Variants in DNAH3 observed in about 807,000 individuals in gnomAD.
DNAH3 encodes the protein axonemal beta dynein heavy chain 3.
In DNAH3, 332 loss-of-function variants were observed where a neutral mutation model predicts 432.5. The observed-to-expected ratio is 0.77, with a 90% confidence interval of 0.70 to 0.84. DNAH3 has a LOEUF of 0.84. DNAH3 is among the 40% of genes least tolerant of loss of function. DNAH3 has a pLI of 0.00. For synonymous variants in DNAH3, 1,956 were observed against 1,900.2 expected (o/e 1.03, Z -0.76); for missense variants, 4,861 against 5,114.0 (o/e 0.95, Z 1.51).
chr16:20,941,349 C>T lies in DNAH3; in HGVS notation c.11654+52G>A, dbSNP rs531308392. 17 of 1,608,072 alleles carry T rather than the reference C, an allele frequency of 1.1e-5. 1 individual carries two copies. The South Asian group carries it at 1.8e-4, about 17-fold the overall frequency. On this transcript the variant is annotated intron_variant, in intron 59 of 61. Transcript: ENST00000261383. The stretch of plus-strand genomic sequence containing the variant: ...CCTTCTCAGCTACTGCCTGTTAGAT[C>T]CTACTCCTCACGTTCCAACTCCCAG...
In DNAH3 at chr16:20,936,770, TC is replaced by T; in HGVS notation, c.11737del (p.Glu3913LysfsTer23). 6.2e-7 allele frequency: 1 copy of T among 1,613,480 alleles called. No individual in the cohort carries two copies. The highest frequency in any genetic ancestry group is 8.5e-7 in the Non-Finnish European group (1 of 1,179,834). On this transcript the variant is annotated frameshift_variant, in exon 60 of 62. Transcript: ENST00000261383. LOFTEE classifies it high-confidence loss of function. Reference sequence around the variant, plus strand: ...ACCCACAAGCATGCTGTTAAAGACTTCCTCTAGCTCCGAGGACATCAGGACC... The same window carrying T: ...ACCCACAAGCATGCTGTTAAAGACTTCTCTAGCTCCGAGGACATCAGGACC...
chr16:21,076,344 C>T (rs553914283), intron 20 of DNAH3, among the ~76,000 whole-genome samples: 7 of 152,158 alleles, frequency 4.6e-5, no homozygotes, highest in African/African-American at 1.2e-4. Flanking sequence ...GCCTCAGAAG[C>T]AACCAACCCT....
intron 40 of DNAH3, among the ~76,000 whole-genome samples, chr16:21,020,462 G>A (rs2088147039): frequency 7.8e-6 from 1 of 128,638 alleles, no homozygotes; most frequent in Non-Finnish European, 1.6e-5. Context: ...GAGTGCAGTG[G>A]CACAATCTCG....
intron 40 of DNAH3, 125 bp from the exon 41 acceptor site, chr16:21,019,994 C>T: frequency 9.7e-7 from 1 of 1,027,174 alleles, no homozygotes; most frequent in East Asian, 2.4e-5. Context: ...GGCAGAGTGC[C>T]TATCACCTAC....
At chr16:20,957,111 TC>T (rs2084599370) in intron 54 of DNAH3, among the ~76,000 whole-genome samples, 1 of 152,184 alleles carries the variant, frequency 6.6e-6, no homozygotes, top group South Asian at 2.1e-4. Flanking sequence ...TGTGGCCTAA[TC>T]CGACTTTGTA....
intron 18 of DNAH3, 81 bp from the exon 19 acceptor site, chr16:21,087,141 C>T (rs889017305): frequency 2.0e-5 from 23 of 1,170,600 alleles, no homozygotes; most frequent in Non-Finnish European, 2.8e-5. Flanking sequence ...GAACTTAGAG[C>T]TGTGCCTCCT....
chr16:20,993,708 G>A (rs2086649209), intron 44 of DNAH3, among the ~76,000 whole-genome samples: 1 of 152,036 alleles, frequency 6.6e-6, no homozygotes, highest in African/African-American at 2.4e-5. Flanking sequence ...TTTTGAGACA[G>A]GGTCTTGCTC....
intron 49 of DNAH3, among the ~76,000 whole-genome samples, chr16:20,980,236 T>C (rs372286222): frequency 3.1e-5 from 3 of 95,638 alleles, no homozygotes; most frequent in East Asian, 2.8e-4. Flanking sequence ...TTATTTATAT[T>C]ATATATATAA....
At chr16:21,125,505 C>A in intron 8 of DNAH3, 135 bp from the exon 10 acceptor site, 1 of 570,784 alleles carries the variant, frequency 1.8e-6, no homozygotes, top group Non-Finnish European at 2.8e-6. Context: ...TCAGTACTTT[C>A]AATTTCCAGC....
chr16:21,075,525 G>A (rs2090943952), exon 21 of DNAH3: 1 of 1,614,032 alleles, frequency 6.2e-7, no homozygotes. Context: ...TCTCCAGAGA[G>A]TATTCCTTGC....
intron 59 of DNAH3, among the ~76,000 whole-genome samples, chr16:20,938,623 C>T (rs983861946): frequency 1.4e-5 from 2 of 140,556 alleles, no homozygotes; most frequent in African/African-American, 5.4e-5. Context: ...TGAAGCTGAA[C>T]TGTCGCTGAA....
At chr16:20,977,373 T>C (rs943623135) in intron 50 of DNAH3, among the ~76,000 whole-genome samples, 8 of 152,122 alleles carry the variant, frequency 5.3e-5, no homozygotes, top group Non-Finnish European at 1.0e-4. Context: ...TGAGACTCTG[T>C]CAAAACAAAA....
chr16:20,980,370 A>G (rs1036194478), intron 49 of DNAH3, among the ~76,000 whole-genome samples: 1 of 125,358 alleles, frequency 8.0e-6, no homozygotes, highest in Non-Finnish European at 1.8e-5. Context: ...AAATATATAT[A>G]TATGTGGGGG....
At chr16:20,991,073 A>G (rs578169194) in intron 44 of DNAH3, among the ~76,000 whole-genome samples, 51 of 152,262 alleles carry the variant, frequency 3.3e-4, no homozygotes, top group African/African-American at 1.2e-3. Context: ...GAATTTTGCC[A>G]GCCCTCCACA....
intron 57 of DNAH3, among the ~76,000 whole-genome samples, chr16:20,947,864 C>T (rs1172736542): frequency 6.6e-6 from 1 of 152,132 alleles, no homozygotes; most frequent in Admixed American, 6.5e-5. Flanking sequence ...ACAACCTCCA[C>T]CTCCCAGTTC....
At chr16:21,140,440 C>A in intron 5 of DNAH3, 96 bp downstream of exon 6, 1 of 1,334,324 alleles carries the variant, frequency 7.5e-7, no homozygotes, top group Non-Finnish European at 1.0e-6. Context: ...TCAAACATTT[C>A]CCAGGTGATT....
intron 20 of DNAH3, among the ~76,000 whole-genome samples, chr16:21,077,458 C>T (rs544067400): frequency 5.9e-5 from 9 of 152,174 alleles, no homozygotes; most frequent in East Asian, 3.9e-4. Context: ...CCACCATGCC[C>T]GGCCAGTATT....
intron 5 of DNAH3, among the ~76,000 whole-genome samples, chr16:21,136,830 G>A (rs1013517562): frequency 6.6e-6 from 1 of 152,004 alleles, no homozygotes; most frequent in African/African-American, 2.4e-5. Context: ...CATATCTGGT[G>A]ACCTTTAAGA....
chr16:20,966,014 A>ATTTTTTTTTTTTTTTT (rs555983378), intron 52 of DNAH3, among the ~76,000 whole-genome samples: 4 of 48,390 alleles, frequency 8.3e-5, no homozygotes, highest in African/African-American at 2.5e-4. Context: ...TGCCCAGCCA[A>ATTTTTTTTTTTTTTTT]TTTTTTTTTT....
Sources: allele counts gnomAD v4.1 joint callset (sites outside exome capture counted in the v4.1 genomes callset), GRCh38; gene constraint gnomAD v4.1.1; transcripts MANE v1.5; gene names NCBI Gene and HGNC (gene_info 2026-07-23, HGNC 2026-07-21).